PIGF: variants seen among roughly 807,000 people sequenced by gnomAD.
PIGF encodes the protein GPI ethanolamine phosphate transferase, stabilizing subunit.
PIGF carries 23 observed loss-of-function variants against 26.0 expected under a neutral mutation model. That is an observed-to-expected ratio of 0.88 (90% CI 0.64 to 1.25). PIGF has a LOEUF of 1.25. Among genes scored for constraint, PIGF ranks in the 50% most tolerant of loss-of-function variants. The pLI is 0.00. For missense variants in PIGF, 278 were observed against 249.9 expected (o/e 1.11, Z -0.76); for synonymous variants, 93 against 92.6 (o/e 1.00, Z -0.03).
At chr2:46,590,387 C>T (rs1417176279) in intron 5 of PIGF, among the ~76,000 whole-genome samples, 1 of 151,986 alleles carries the variant, frequency 6.6e-6, no homozygotes, top group Non-Finnish European at 1.5e-5. Flanking sequence ...TCTAAGCAAA[C>T]CTAAACACAT....
At chr2:46,614,754 G>A in intron 2 of PIGF, 183 bp downstream of exon 2, 3 of 528,642 alleles carry the variant, frequency 5.7e-6, no homozygotes, top group Non-Finnish European at 1.0e-5. Flanking sequence ...TGCAAGGCAA[G>A]GATCAATCAA....
intron 4 of PIGF, among the ~76,000 whole-genome samples, chr2:46,599,682 T>G (rs1669995736): frequency 6.6e-6 from 1 of 152,230 alleles, no homozygotes; most frequent in Non-Finnish European, 1.5e-5. Context: ...GATCTCATCT[T>G]TGCTCTTAAT....
intron 4 of PIGF, among the ~76,000 whole-genome samples, chr2:46,602,889 A>T (rs767688956): frequency 1.3e-5 from 2 of 152,054 alleles, no homozygotes; most frequent in East Asian, 3.9e-4. Flanking sequence ...AGAAAAAAAT[A>T]AAGGGCATCC....
At chr2:46,614,760 A>G (rs1417787724) in intron 2 of PIGF, 177 bp downstream of exon 2, 2 of 539,688 alleles carry the variant, frequency 3.7e-6, no homozygotes, top group African/African-American at 3.8e-5. Context: ...GCAAGGATCA[A>G]TCAAACATTG....
intron 5 of PIGF, among the ~76,000 whole-genome samples, chr2:46,587,496 T>C (rs1572767683): frequency 6.6e-6 from 1 of 152,172 alleles, no homozygotes; most frequent in South Asian, 2.1e-4. Context: ...ATCTGGTGTC[T>C]GTTGAGAATA....
chr2:46,616,587 C>T (rs528221175), intron 1 of PIGF: 2 of 154,054 alleles, frequency 1.3e-5, no homozygotes, highest in Middle Eastern at 3.4e-3. Context: ...CGCTACGCAC[C>T]GCAGCGGAGA....
intron 4 of PIGF, among the ~76,000 whole-genome samples, chr2:46,599,743 G>A (rs1259528102): frequency 6.6e-6 from 1 of 151,942 alleles, no homozygotes; most frequent in Non-Finnish European, 1.5e-5. Flanking sequence ...CTGTGTGGAG[G>A]TTTTTTTGTT....
chr2:46,588,362 A>C lies in PIGF; in HGVS notation c.546+4113T>G, dbSNP rs1669641362. 2 of 782,246 alleles carry C rather than the reference A, an allele frequency of 2.6e-6. No homozygotes were observed. Among genetic ancestry groups the C allele is most frequent in the African/African-American group, 1.8e-5 (1 of 55,706 alleles). The allele number at this position is 782,246 out of a possible 1,614,324, so 48.5% of individuals were successfully genotyped here. ...TTCTCTAATATATGAGAACTCAAAT[A>C]AATCATGGAATTTGCATTTTTTGAA... On this transcript the variant is annotated intron_variant, in intron 5 of 5. Transcript: ENST00000281382. This position sits in a 1 kb window ranked among gnomAD's most constrained non-coding sequence, Gnocchi z 4.1.
intron 2 of PIGF, chr2:46,614,472 G>A (rs553856732): frequency 7.0e-4 from 110 of 156,598 alleles, no homozygotes; most frequent in African/African-American, 2.6e-3. Flanking sequence ...TGAATATTCT[G>A]GAAAATTGAT....
intron 5 of PIGF, 122 bp downstream of exon 5, chr2:46,592,353 G>C: frequency 1.6e-6 from 1 of 639,164 alleles, no homozygotes; most frequent in Non-Finnish European, 2.9e-6. Flanking sequence ...GTGACTGATA[G>C]AAGTGGTATC....
chr2:46,596,503 AT>A (rs149257392), intron 4 of PIGF, among the ~76,000 whole-genome samples: 9 of 152,278 alleles, frequency 5.9e-5, no homozygotes, highest in Non-Finnish European at 1.3e-4. Context: ...AAAATTTCAT[AT>A]TTATCAAAAT....
At chr2:46,603,352 A>G (rs1373626192) in intron 4 of PIGF, among the ~76,000 whole-genome samples, 1 of 152,118 alleles carries the variant, frequency 6.6e-6, no homozygotes, top group East Asian at 1.9e-4. Flanking sequence ...CATAAATAGA[A>G]GAAACAATCC....
In PIGF at chr2:46,597,664, G is replaced by A. The variant is rs962334055; in HGVS notation, c.438-5081C>T. ...TGACCTCAAATGATCTGCCCACCTC[G>A]GCCTCCCAAAGTGCTGGGATTATAG... is the stretch of plus-strand genomic sequence containing the variant. On this transcript the variant is annotated intron_variant, in intron 4 of 5. Transcript: ENST00000281382. Among the ~76,000 whole-genome samples, 10 of 152,146 alleles carry A rather than the reference G, an allele frequency of 6.6e-5. No homozygotes were observed. The East Asian group carries it at 9.7e-4, about 15-fold the overall frequency.
chr2:46,616,940 G>A (rs1670659588), intron 1 of PIGF, 30 bp downstream of exon 1: 3 of 314,142 alleles, frequency 9.5e-6, no homozygotes, highest in South Asian at 7.4e-5. Context: ...CTCGTGAGGC[G>A]AGACGCCGAG....
intron 3 of PIGF, 145 bp downstream of exon 3, chr2:46,613,549 A>G (rs1670494047): frequency 6.8e-6 from 4 of 584,774 alleles, no homozygotes; most frequent in Non-Finnish European, 1.2e-5. Flanking sequence ...TTTAAAAAAG[A>G]ATAACACTGC....
intron 4 of PIGF, among the ~76,000 whole-genome samples, chr2:46,596,890 A>C (rs1328583758): frequency 6.6e-6 from 1 of 152,224 alleles, no homozygotes; most frequent in Non-Finnish European, 1.5e-5. Flanking sequence ...ACAGTGAACC[A>C]CACAGTAAAC....
chr2:46,599,004 G>T (rs1388185735), intron 4 of PIGF, among the ~76,000 whole-genome samples: 12 of 152,152 alleles, frequency 7.9e-5, no homozygotes, highest in Admixed American at 7.9e-4. Context: ...TCCCTCGAAA[G>T]AAATATTTCA....
intron 4 of PIGF, among the ~76,000 whole-genome samples, chr2:46,596,189 G>T (rs1248706397): frequency 6.6e-6 from 1 of 150,468 alleles, no homozygotes; most frequent in African/African-American, 2.5e-5. Context: ...ACTCCAGCCT[G>T]GCGACAGAGC....
intron 4 of PIGF, among the ~76,000 whole-genome samples, chr2:46,600,698 G>C (rs1670029182): frequency 6.6e-6 from 1 of 152,040 alleles, no homozygotes; most frequent in Non-Finnish European, 1.5e-5. Flanking sequence ...TCTGTGTCTA[G>C]AACCATCCAA....
Sources: allele counts gnomAD v4.1 joint callset (sites outside exome capture counted in the v4.1 genomes callset), GRCh38; gene constraint gnomAD v4.1.1; non-coding constraint Gnocchi (gnomAD v3.1); transcripts MANE v1.5; gene names NCBI Gene and HGNC (gene_info 2026-07-23, HGNC 2026-07-21).